The following PCDH11X variants were observed in gnomAD, a reference collection of about 807,000 sequenced individuals.
The protein encoded by PCDH11X is protocadherin-11 X-linked.
A neutral mutation model predicts 53.3 loss-of-function variants in PCDH11X; 18 were observed. That is an observed-to-expected ratio of 0.34 (90% CI 0.23 to 0.50). The LOEUF (loss-of-function observed/expected upper bound fraction) is 0.50. Among genes scored for constraint, PCDH11X ranks in the 20% least tolerant of loss-of-function variants. The pLI, the probability that PCDH11X is intolerant of heterozygous loss-of-function variation, is 0.98. For synonymous variants in PCDH11X, 279 were observed against 393.3 expected, an observed-to-expected ratio of 0.71 and a Z score of 3.44; for missense variants, 570 against 1,032.4, an observed-to-expected ratio of 0.55 and a Z score of 6.14.
intron 6 of PCDH11X, among the ~76,000 whole-genome samples, chrX:92,151,683 T>G (rs1209469560): frequency 4.5e-5 from 5 of 111,715 alleles, no homozygotes; most frequent in East Asian, 2.8e-4. Flanking sequence ...AACTTCACAT[T>G]AGTATTTATT....
chrX:92,235,520 G>A (rs1198391676), intron 7 of PCDH11X, among the ~76,000 whole-genome samples: 1 of 111,422 alleles, frequency 9.0e-6, no homozygotes, highest in Non-Finnish European at 1.9e-5. Context: ...TTTTGTAGCT[G>A]ATATGATATG....
At chrX:92,192,114 T>C (rs928401779) in intron 6 of PCDH11X, among the ~76,000 whole-genome samples, 29 of 111,328 alleles carry the variant, frequency 2.6e-4, no homozygotes, top group African/African-American at 9.5e-4. Context: ...AACCATTCTG[T>C]CTCCTTGCCC....
intron 6 of PCDH11X, among the ~76,000 whole-genome samples, chrX:92,164,879 G>T (rs2065705910): frequency 9.5e-6 from 1 of 105,813 alleles, no homozygotes; most frequent in Admixed American, 1.0e-4. Context: ...TTTTAAAATG[G>T]GAGTTTCCCT....
intron 8 of PCDH11X, among the ~76,000 whole-genome samples, chrX:92,299,591 G>A (rs1172861096): frequency 9.0e-6 from 1 of 111,575 alleles, no homozygotes; most frequent in African/African-American, 3.3e-5. Context: ...TTTAGTTTGT[G>A]TGCATACATA....
intron 6 of PCDH11X, among the ~76,000 whole-genome samples, chrX:92,058,592 G>T (rs113764239): frequency 0.037 from 4,093 of 110,726 alleles, 180 homozygotes; most frequent in African/African-American, 0.13. Flanking sequence ...ACATGTCATG[G>T]TATTTACACA....
intron 1 of PCDH11X, among the ~76,000 whole-genome samples, chrX:91,792,025 C>T (rs1350601541): frequency 9.2e-6 from 1 of 109,271 alleles, no homozygotes; most frequent in Non-Finnish European, 1.9e-5. Context: ...CCGCGCCTGG[C>T]TAACTTTTTG....
intron 6 of PCDH11X, among the ~76,000 whole-genome samples, chrX:91,969,526 T>C (rs1441422391): frequency 1.8e-5 from 2 of 110,952 alleles, no homozygotes; most frequent in African/African-American, 3.3e-5. Flanking sequence ...AGGCTAGACA[T>C]GGTGGCTCAC....
rs1049973580 is a variant in PCDH11X, at chrX:92,159,059, G to A, written c.3034-42316G>A. On this transcript the variant is annotated intron_variant, in intron 6 of 10. Transcript: ENST00000682573. ...TTACAAAAATATCTTAATATCTCAT[G>A]GATTTTGTAGCTACTATCAAATTGG... Among the ~76,000 whole-genome samples, 5 of 111,886 alleles carry A rather than the reference G, an allele frequency of 4.5e-5. No homozygotes were observed. In the Admixed American group the frequency reaches 4.8e-4, roughly 11 times the overall value.
intron 8 of PCDH11X, among the ~76,000 whole-genome samples, chrX:92,326,637 T>G (rs181111632): frequency 0.036 from 1,809 of 50,026 alleles, 280 homozygotes; most frequent in East Asian, 0.22. Context: ...TATATATATA[T>G]ATAGAGAGAG....
chrX:92,117,793 A>G (rs777365486), intron 6 of PCDH11X, among the ~76,000 whole-genome samples: 1 of 111,694 alleles, frequency 9.0e-6, no homozygotes, highest in East Asian at 2.8e-4. Flanking sequence ...TTATACATCA[A>G]AGTGAGAACA....
At chrX:92,432,659 G>A (rs2072275422) in intron 9 of PCDH11X, among the ~76,000 whole-genome samples, 1 of 108,753 alleles carries the variant, frequency 9.2e-6, no homozygotes, top group South Asian at 4.0e-4. Flanking sequence ...TTAAAAAGGG[G>A]GAGGGAGGGT....
chrX:92,042,747 C>T (rs2063229219), intron 6 of PCDH11X, among the ~76,000 whole-genome samples: 1 of 99,343 alleles, frequency 1.0e-5, no homozygotes, highest in African/African-American at 3.8e-5. Flanking sequence ...AAGCGATTCT[C>T]TGCCTTGGCC....
At chrX:91,982,872 G>A in intron 6 of PCDH11X, 1 of 907,845 alleles carries the variant, frequency 1.1e-6, no homozygotes, top group Non-Finnish European at 1.6e-6. Flanking sequence ...GTTTCCTGCT[G>A]TCCAGGTGAG....
intron 6 of PCDH11X, among the ~76,000 whole-genome samples, chrX:92,168,998 C>A (rs2065779281): frequency 9.0e-6 from 1 of 111,724 alleles, no homozygotes; most frequent in African/African-American, 3.2e-5. Flanking sequence ...ACATGGCATA[C>A]CAGTTTTACT....
intron 9 of PCDH11X, among the ~76,000 whole-genome samples, chrX:92,445,945 C>T (rs1181909968): frequency 9.0e-6 from 1 of 110,837 alleles, no homozygotes; most frequent in Admixed American, 9.7e-5. Flanking sequence ...TTTGTTCCTA[C>T]TCTTTGATTC....
At chrX:92,114,214 A>G (rs1239478789) in intron 6 of PCDH11X, 1 of 1,058,430 alleles carries the variant, frequency 9.4e-7, no homozygotes, top group Non-Finnish European at 1.3e-6. Context: ...AAATGTGGCC[A>G]TTTTCCCAGT....
intron 10 of PCDH11X, among the ~76,000 whole-genome samples, chrX:92,585,041 T>A (rs1230448497): frequency 9.0e-6 from 1 of 110,510 alleles, no homozygotes; most frequent in African/African-American, 3.3e-5. Context: ...GATGCTGGCA[T>A]CTGCTGGGTT....
rs749116039 is a variant in PCDH11X at position 92,467,541 on chromosome X, A to G, written c.3344-758A>G. ...GAGAGTCATCTGCCCAGATCAATAC[A>G]TATTTGGCTGTTTATAAACATACAA... On this transcript the variant is annotated intron_variant, in intron 9 of 10. Transcript: ENST00000682573. Among the ~76,000 whole-genome samples the G allele has an allele frequency of 1.2e-4, 13 of 111,241 alleles. 1 individual carries two copies. Among genetic ancestry groups the G allele is most frequent in the African/African-American group, 6.5e-5 (2 of 30,794 alleles).
intron 6 of PCDH11X, among the ~76,000 whole-genome samples, chrX:91,932,697 T>TGTGC (rs776030529): frequency 2.1e-5 from 2 of 95,219 alleles, no homozygotes; most frequent in African/African-American, 4.3e-5. Context: ...TGTGTGTGTG[T>TGTGC]GTGCGCGCGC....
Sources: gnomAD v4.1 joint callset for allele counts (sites outside exome capture counted in the v4.1 genomes callset) on GRCh38, gnomAD v4.1.1 for gene constraint, MANE v1.5 for transcripts, NCBI Gene and HGNC (gene_info 2026-07-23, HGNC 2026-07-21) for gene names.